ADGRL3: variants seen among roughly 807,000 people sequenced by gnomAD.
ADGRL3 encodes adhesion G protein-coupled receptor L3.
Under a neutral mutation model 153.5 loss-of-function variants are expected in ADGRL3, and 62 were observed. The observed-to-expected ratio is 0.40, with a 90% CI of 0.33 to 0.50. The LOEUF (loss-of-function observed/expected upper bound fraction) is 0.50, where lower values mean the gene tolerates loss of function less well. Among genes scored for constraint, ADGRL3 ranks in the 20% least tolerant of loss-of-function variants. The probability of loss-of-function intolerance (pLI) is 0.47; values close to 1 mark genes in which losing one functional copy is unlikely to be tolerated. For missense variants in ADGRL3, 1,641 were observed against 1,859.4 expected (o/e 0.88, Z 2.16); for synonymous variants, 710 against 672.5 (o/e 1.06, Z -0.86).
chr4:61,494,966 C>A (rs1366826135), intron 2 of ADGRL3, among the ~76,000 whole-genome samples: 1 of 152,100 alleles, frequency 6.6e-6, no homozygotes, highest in Admixed American at 6.5e-5. Flanking sequence ...CAGCACTGTT[C>A]TTGGCTATTA....
intron 1 of ADGRL3, among the ~76,000 whole-genome samples, chr4:61,303,405 T>C (rs2094649814): frequency 6.6e-6 from 1 of 152,142 alleles, no homozygotes; most frequent in Non-Finnish European, 1.5e-5. Flanking sequence ...ATGGAAAATA[T>C]TACCTAATTG....
intron 18 of ADGRL3, among the ~76,000 whole-genome samples, chr4:61,982,228 C>T (rs2099070922): frequency 6.6e-6 from 1 of 152,234 alleles, no homozygotes; most frequent in African/African-American, 2.4e-5. Flanking sequence ...CTACACAAAA[C>T]TCATTTCTAA....
At chr4:61,867,529 T>TAG in intron 9 of ADGRL3, among the ~76,000 whole-genome samples, 1 of 135,388 alleles carries the variant, frequency 7.4e-6, no homozygotes, top group East Asian at 2.1e-4. Context: ...TATATATATA[T>TAG]ATATATATAT....
At chr4:61,349,580 G>T (rs1343685306) in intron 1 of ADGRL3, among the ~76,000 whole-genome samples, 1 of 151,864 alleles carries the variant, frequency 6.6e-6, no homozygotes, top group Non-Finnish European at 1.5e-5. Flanking sequence ...ACTCCTGGTT[G>T]CATTGTTACA....
intron 1 of ADGRL3, among the ~76,000 whole-genome samples, chr4:61,364,346 ATAAT>A (rs1426301067): frequency 7.1e-6 from 1 of 140,752 alleles, no homozygotes; most frequent in Non-Finnish European, 1.5e-5. Flanking sequence ...AAAAAAAAAA[ATAAT>A]AATAATAATA....
intron 6 of ADGRL3, among the ~76,000 whole-genome samples, chr4:61,712,693 G>A (rs2096019863): frequency 6.6e-6 from 1 of 152,170 alleles, no homozygotes; most frequent in East Asian, 1.9e-4. Context: ...TTGACTTATG[G>A]TCCATGCAGT....
intron 11 of ADGRL3, among the ~76,000 whole-genome samples, chr4:61,905,012 A>G (rs2098688713): frequency 6.6e-6 from 1 of 152,212 alleles, no homozygotes; most frequent in Non-Finnish European, 1.5e-5. Context: ...TAATTACATA[A>G]GAACCCATGA....
chr4:61,498,359 G>A (rs1316513196), intron 3 of ADGRL3, among the ~76,000 whole-genome samples: 1 of 152,032 alleles, frequency 6.6e-6, no homozygotes, highest in Non-Finnish European at 1.5e-5. Flanking sequence ...GACCATCCTG[G>A]CTAACACCGT....
intron 25 of ADGRL3, among the ~76,000 whole-genome samples, chr4:62,065,782 G>A (rs1038384500): frequency 7.3e-5 from 11 of 151,606 alleles, no homozygotes; most frequent in African/African-American, 2.7e-4. Flanking sequence ...TATTTTTACT[G>A]GTATCTTAAA....
At chr4:61,361,917 A>G (rs1246814179) in intron 1 of ADGRL3, among the ~76,000 whole-genome samples, 1 of 151,040 alleles carries the variant, frequency 6.6e-6, no homozygotes, top group East Asian at 1.9e-4. Flanking sequence ...GAAGATAAGA[A>G]ATTATGAACT....
At chr4:61,845,719 C>A (rs773216404) in intron 9 of ADGRL3, among the ~76,000 whole-genome samples, 17 of 151,710 alleles carry the variant, frequency 1.1e-4, no homozygotes, top group Non-Finnish European at 2.1e-4. Flanking sequence ...TATTTGATGT[C>A]CCAGAATTTG....
intron 17 of ADGRL3, among the ~76,000 whole-genome samples, chr4:61,951,118 A>AT (rs1200862445): frequency 2.0e-5 from 3 of 152,190 alleles, no homozygotes; most frequent in African/African-American, 7.2e-5. Context: ...CAATGTGGAA[A>AT]TTTAGATGGG....
chr4:61,531,800 A>G (rs1472629902), intron 4 of ADGRL3, among the ~76,000 whole-genome samples: 2 of 151,136 alleles, frequency 1.3e-5, no homozygotes, highest in Non-Finnish European at 2.9e-5. Flanking sequence ...TCATGTCTTC[A>G]TTGCTGTGCC....
chr4:61,718,406 A>G (rs59595217), intron 6 of ADGRL3, among the ~76,000 whole-genome samples: 3,937 of 152,318 alleles, frequency 0.026, 61 homozygotes, highest in East Asian at 0.099. Context: ...TGAATGAAGC[A>G]GTCGTTAAAC....
chr4:62,034,914 T>C (rs1182861112), intron 23 of ADGRL3, among the ~76,000 whole-genome samples: 1 of 151,922 alleles, frequency 6.6e-6, no homozygotes, highest in Non-Finnish European at 1.5e-5. Context: ...AGAAATATTT[T>C]ACTGGTAAGG....
intron 2 of ADGRL3, among the ~76,000 whole-genome samples, chr4:61,464,388 G>A (rs751048373): frequency 4.6e-5 from 7 of 152,180 alleles, no homozygotes; most frequent in Non-Finnish European, 8.8e-5. Context: ...ATGTAAATGT[G>A]CAGAGTTGTT....
chr4:61,432,963 A>G (rs1389935523), intron 2 of ADGRL3, among the ~76,000 whole-genome samples: 2 of 151,620 alleles, frequency 1.3e-5, no homozygotes, highest in South Asian at 2.1e-4. Flanking sequence ...ACTTTTATAG[A>G]TTTCTATTTT....
chr4:61,393,713 C>G (rs2096838775), intron 2 of ADGRL3, among the ~76,000 whole-genome samples: 1 of 152,012 alleles, frequency 6.6e-6, no homozygotes, highest in Non-Finnish European at 1.5e-5. Flanking sequence ...TAATGCAGAA[C>G]ATTAAGTACC....
chr4:62,012,629 T>TTAAATCTAGTAAATGTGTTTAA (rs2099191818), intron 21 of ADGRL3, among the ~76,000 whole-genome samples: 1 of 152,196 alleles, frequency 6.6e-6, no homozygotes, highest in Non-Finnish European at 1.5e-5. Flanking sequence ...TGTGTTTAAT[T>TTAAATCTAGTAAATGTGTTTAA]TTTAAGAGAT....
Sources: gnomAD v4.1 joint callset for allele counts (sites outside exome capture counted in the v4.1 genomes callset) on GRCh38, gnomAD v4.1.1 for gene constraint, MANE v1.5 for transcripts, NCBI Gene and HGNC (gene_info 2026-07-23, HGNC 2026-07-21) for gene names.